Variants in ZFPM2 observed in about 807,000 individuals in gnomAD.
ZFPM2 encodes the protein zinc finger protein ZFPM2.
In ZFPM2, 20 loss-of-function variants were observed where a neutral mutation model predicts 98.6. The ratio of observed to expected loss-of-function variants is 0.20; its 90% CI spans 0.14 to 0.29. The LOEUF (loss-of-function observed/expected upper bound fraction) is 0.29. Ranked by LOEUF, ZFPM2 falls within the 10% of genes least tolerant of loss-of-function variation. ZFPM2 has a pLI of 1.00. For synonymous variants in ZFPM2, 518 were observed against 502.7 expected (o/e 1.03, Z -0.41); for missense variants, 1,310 against 1,388.6 (o/e 0.94, Z 0.90).
intron 3 of ZFPM2, among the ~76,000 whole-genome samples, chr8:105,544,229 G>A (rs1313562252): frequency 2.6e-5 from 4 of 152,006 alleles, no homozygotes; most frequent in Non-Finnish European, 4.4e-5. Flanking sequence ...TTCTAGTATG[G>A]GTGTTAGAAT....
At chr8:105,394,562 T>C (rs1354636499) in intron 1 of ZFPM2, among the ~76,000 whole-genome samples, 2 of 152,194 alleles carry the variant, frequency 1.3e-5, no homozygotes, top group Non-Finnish European at 2.9e-5. Context: ...AGGTATAATG[T>C]ATCAAACAAA....
intron 5 of ZFPM2, among the ~76,000 whole-genome samples, chr8:105,774,526 T>G (rs1813054584): frequency 6.6e-6 from 1 of 152,182 alleles, no homozygotes; most frequent in Non-Finnish European, 1.5e-5. Context: ...GAACATTGTC[T>G]GGGCAGCAAA....
At chr8:105,497,248 G>A (rs1386303482) in intron 3 of ZFPM2, among the ~76,000 whole-genome samples, 1 of 152,062 alleles carries the variant, frequency 6.6e-6, no homozygotes, top group South Asian at 2.1e-4. Context: ...GCCTCCCAAA[G>A]TGCTGGGATT....
chr8:105,561,167 A>G (rs1277687422), intron 3 of ZFPM2, among the ~76,000 whole-genome samples, 196 bp from the exon 4 acceptor site: 1 of 152,204 alleles, frequency 6.6e-6, no homozygotes, highest in Non-Finnish European at 1.5e-5. Flanking sequence ...AAATTGGACT[A>G]AATTTGAATA....
intron 5 of ZFPM2, among the ~76,000 whole-genome samples, chr8:105,715,725 G>A (rs1251495702): frequency 6.6e-6 from 1 of 151,958 alleles, no homozygotes; most frequent in African/African-American, 2.4e-5. Context: ...ACCTATATGT[G>A]ACTGATTCCA....
chr8:105,373,313 C>T (rs1406764892), intron 1 of ZFPM2, among the ~76,000 whole-genome samples: 1 of 152,210 alleles, frequency 6.6e-6, no homozygotes, highest in African/African-American at 2.4e-5. Flanking sequence ...TCAGCAGGTA[C>T]ATCAAGAAAT....
intron 5 of ZFPM2, among the ~76,000 whole-genome samples, chr8:105,739,361 C>T (rs1357546874): frequency 1.3e-5 from 2 of 151,948 alleles, no homozygotes; most frequent in African/African-American, 2.4e-5. Context: ...TCTGTTTCCC[C>T]GAATTGTTGG....
chr8:105,782,115 C>T (rs1813269373), intron 5 of ZFPM2, among the ~76,000 whole-genome samples: 1 of 152,182 alleles, frequency 6.6e-6, no homozygotes, highest in Admixed American at 6.5e-5. Flanking sequence ...TAAAAGCCAC[C>T]TCACTGCTTT....
intron 4 of ZFPM2, among the ~76,000 whole-genome samples, chr8:105,576,166 G>T: frequency 6.6e-6 from 1 of 152,074 alleles, no homozygotes. Context: ...TACAGCACAC[G>T]GTAATAATAT....
intron 4 of ZFPM2, among the ~76,000 whole-genome samples, chr8:105,599,349 A>C (rs1307487070): frequency 2.7e-5 from 4 of 148,164 alleles, no homozygotes; most frequent in African/African-American, 9.9e-5. Flanking sequence ...AAAACCTCCC[A>C]TCTGCTTGTC....
rs1813988637 is a variant in ZFPM2 at position 105,801,113 on chromosome 8, C to A, written c.1031C>A (p.Ala344Asp). ...AAATGCACCGTCTGTAGCTACACTG[C>A]TGATTCCGTGATCAACTTTCACCAA... ...SLKCTVCSYTADSVINFHQHL... is the reference protein window; with the variant it reads ...SLKCTVCSYTDDSVINFHQHL... The change falls in exon 8 of 8, where the codon GCT (alanine) becomes GAT (aspartate). Residue 344 changes from alanine (A) to aspartate (D), a missense_variant. Physicochemically the swap from Ala to Asp is moderately radical, Grantham distance 126. Transcript: ENST00000407775. 3 of 1,613,874 alleles carry A rather than the reference C, an allele frequency of 1.9e-6. No individual in the cohort carries two copies. Among genetic ancestry groups the A allele is most frequent in the Admixed American group, 1.7e-5 (1 of 60,006 alleles).
At chr8:105,522,619 A>G (rs2130553144) in intron 3 of ZFPM2, among the ~76,000 whole-genome samples, 1 of 152,132 alleles carries the variant, frequency 6.6e-6, no homozygotes, top group South Asian at 2.1e-4. Context: ...AAAATACAAA[A>G]ATTAGCTGGG....
intron 3 of ZFPM2, among the ~76,000 whole-genome samples, chr8:105,470,384 T>G (rs1281526213): frequency 6.6e-6 from 1 of 152,196 alleles, no homozygotes; most frequent in Non-Finnish European, 1.5e-5. Flanking sequence ...GTCTACCTTA[T>G]AGGGTTACTA....
intron 1 of ZFPM2, chr8:105,387,285 T>A (rs541069851): frequency 1.3e-5 from 2 of 155,224 alleles, no homozygotes; most frequent in Non-Finnish European, 2.8e-5. Flanking sequence ...GGATCCCGCA[T>A]TGGGGCGCAG....
chr8:105,437,494 A>G (rs1586371290), intron 2 of ZFPM2, among the ~76,000 whole-genome samples: 1 of 151,412 alleles, frequency 6.6e-6, no homozygotes, highest in South Asian at 2.1e-4. Flanking sequence ...TCATCTTGAC[A>G]TTTTCTATCA....
intron 4 of ZFPM2, among the ~76,000 whole-genome samples, chr8:105,566,918 A>T (rs554848023): frequency 6.4e-4 from 97 of 152,114 alleles, no homozygotes; most frequent in South Asian, 4.4e-3. Flanking sequence ...AATTTTTTTT[A>T]AAAAAATGAA....
At chr8:105,735,034 T>C (rs72606696) in intron 5 of ZFPM2, among the ~76,000 whole-genome samples, 1 of 149,208 alleles carries the variant, frequency 6.7e-6, no homozygotes, top group Non-Finnish European at 1.5e-5. Flanking sequence ...GTTATTGCAG[T>C]TTTGCATTCC....
rs2957438 is a variant in ZFPM2 at position 105,318,865 on chromosome 8, C to G, written c.-77C>G. On this transcript the variant is annotated 5_prime_UTR_variant, in exon 1 of 8. Coordinates refer to ENST00000407775, the MANE Select transcript of ZFPM2 (RefSeq NM_012082.4). ...TGGCCAGCGGCGGCGGCGGCGGCGG[C>G]GGCGGCGGGAGCCGAGGGAGCGGCA... 1,868 of 109,666 alleles carry G rather than the reference C, an allele frequency of 0.017. 70 individuals carry two copies. The African/African-American group carries it at 0.25, about 14-fold the overall frequency. The allele number at this position is 109,666 out of a possible 1,614,324, so 6.8% of individuals were successfully genotyped here.
intron 4 of ZFPM2, 43 bp from the exon 5 acceptor site, chr8:105,634,203 A>G: frequency 6.8e-7 from 1 of 1,471,752 alleles, no homozygotes; most frequent in Non-Finnish European, 9.4e-7. Flanking sequence ...GTTTTTAATC[A>G]ACGGAAGCAA....
Sources: gnomAD v4.1 joint callset for allele counts (sites outside exome capture counted in the v4.1 genomes callset) on GRCh38, gnomAD v4.1.1 for gene constraint, MANE v1.5 for transcripts, NCBI Gene and HGNC (gene_info 2026-07-23, HGNC 2026-07-21) for gene names.